Variants in ASXL3 observed in about 807,000 individuals in gnomAD.
ASXL3 encodes the protein ASXL transcriptional regulator 3.
In ASXL3, 34 loss-of-function variants were observed where a neutral mutation model predicts 170.6. The ratio of observed to expected loss-of-function variants is 0.20; its 90% CI spans 0.15 to 0.27. The LOEUF is 0.27. ASXL3 is among the 10% of genes least tolerant of loss of function. ASXL3 has a pLI of 1.00. For missense variants in ASXL3, 2,592 were observed against 2,695.3 expected (o/e 0.96, Z 0.85); for synonymous variants, 1,002 against 989.1 (o/e 1.01, Z -0.24).
chr18:33,597,272 A>G (rs903065566), intron 1 of ASXL3, among the ~76,000 whole-genome samples: 1 of 152,016 alleles, frequency 6.6e-6, no homozygotes, highest in African/African-American at 2.4e-5. Flanking sequence ...TGTGGTGTAC[A>G]TGTATATGTA....
Position 33,738,562 on chromosome 18 carries a change from A to C in ASXL3, c.1158A>C (p.Ser386=). The change falls in exon 11 of 12, where the codon TCA becomes TCC. Residue 386 remains serine, a synonymous_variant. Transcript: ENST00000269197. ...ACGCTGGAGCTCAAAGTAGTTCTTC[A>C]TGTGGGACTTCTGGCCTTCCAGTTT... ...PNNAGAQSSS[S]CGTSGLPVSA... 6.2e-7 allele frequency: 1 copy of C among 1,613,840 alleles called. No individual in the cohort carries two copies. The highest frequency in any genetic ancestry group is 8.5e-7 in the Non-Finnish European group (1 of 1,179,828).
At chr18:33,617,948 C>T (rs1022424111) in intron 2 of ASXL3, among the ~76,000 whole-genome samples, 3 of 152,094 alleles carry the variant, frequency 2.0e-5, no homozygotes, top group African/African-American at 7.2e-5. Flanking sequence ...GAGCTCTTCT[C>T]TTCCTCTCTT....
chr18:33,712,895 T>G (rs1266776941), intron 8 of ASXL3, among the ~76,000 whole-genome samples: 1 of 152,176 alleles, frequency 6.6e-6, no homozygotes, highest in African/African-American at 2.4e-5. Flanking sequence ...GCAGTTTTGC[T>G]CCTTCAAGTT....
At chr18:33,630,190 T>C (rs1346077008) in intron 2 of ASXL3, among the ~76,000 whole-genome samples, 1 of 152,034 alleles carries the variant, frequency 6.6e-6, no homozygotes. Flanking sequence ...TTAAATTCAC[T>C]GCTCTTTCTA....
In ASXL3 at chr18:33,744,459, C is replaced by T; in HGVS notation, c.4611C>T (p.Ser1537=). ...PVANEGIDHS[S]TFIAASAAKQ... ...CCAACGAAGGTATAGATCACAGTTCCACTTTCATTGCTGCTTCGGCAGCAA... is the reference window on the plus strand; with the variant it reads ...CCAACGAAGGTATAGATCACAGTTCTACTTTCATTGCTGCTTCGGCAGCAA... Residue 1537 remains serine, a synonymous_variant, in exon 12 of 12, where the codon TCC becomes TCT. Transcript: ENST00000269197. The T allele has an allele frequency of 6.2e-7, 1 of 1,613,496 alleles. No homozygotes were observed. The highest frequency in any genetic ancestry group is 8.5e-7 in the Non-Finnish European group (1 of 1,179,802).
intron 5 of ASXL3, among the ~76,000 whole-genome samples, chr18:33,662,827 G>A (rs926719089): frequency 6.6e-6 from 1 of 152,088 alleles, no homozygotes; most frequent in African/African-American, 2.4e-5. Context: ...TTCTAAAATA[G>A]AGTTTTTTTA....
intron 1 of ASXL3, among the ~76,000 whole-genome samples, chr18:33,597,362 G>A (rs1380184945): frequency 3.3e-5 from 5 of 151,750 alleles, no homozygotes; most frequent in African/African-American, 1.2e-4. Flanking sequence ...ACTTTCTCAT[G>A]GACATCCTCC....
chr18:33,683,674 A>G (rs1049002721), intron 8 of ASXL3, 106 bp downstream of exon 8: 2 of 1,156,366 alleles, frequency 1.7e-6, no homozygotes, highest in Non-Finnish European at 2.3e-6. Context: ...TAATTTCTGT[A>G]ATTTATGCAT....
intron 8 of ASXL3, among the ~76,000 whole-genome samples, chr18:33,725,212 A>G (rs2067329530): frequency 6.6e-6 from 1 of 152,102 alleles, no homozygotes; most frequent in African/African-American, 2.4e-5. Context: ...ACTCCTGATT[A>G]GTGTCTCACT....
chr18:33,578,586 G>T lies in ASXL3; in HGVS notation c.-46G>T. 1 of 1,212,308 alleles carries T rather than the reference G, an allele frequency of 8.2e-7. No individual in the cohort carries two copies. The highest frequency in any genetic ancestry group is 2.7e-5 in the Admixed American group (1 of 37,052). The allele number at this position is 1,212,308 out of a possible 1,614,324, so 75.1% of individuals were successfully genotyped here. Reference sequence around the variant, plus strand: ...TCCGCGCCCGAACCCCGAGCACCCCGTGGAATCCCCCACGTCATCATCAGA... The same window carrying T: ...TCCGCGCCCGAACCCCGAGCACCCCTTGGAATCCCCCACGTCATCATCAGA... On this transcript the variant is annotated 5_prime_UTR_variant, in exon 1 of 12. Transcript: ENST00000269197.
intron 8 of ASXL3, among the ~76,000 whole-genome samples, chr18:33,702,900 T>C (rs981872685): frequency 1.3e-5 from 2 of 152,182 alleles, no homozygotes; most frequent in African/African-American, 4.8e-5. Context: ...TATAATCTGC[T>C]TTGATATCAC....
At chr18:33,598,224 G>A in intron 1 of ASXL3, among the ~76,000 whole-genome samples, 1 of 152,156 alleles carries the variant, frequency 6.6e-6, no homozygotes, top group South Asian at 2.1e-4. Context: ...CAAATTGTTA[G>A]AGTATCTAAT....
chr18:33,726,266 A>T (rs1286075295), intron 8 of ASXL3, among the ~76,000 whole-genome samples: 1 of 152,146 alleles, frequency 6.6e-6, no homozygotes, highest in Non-Finnish European at 1.5e-5. Context: ...TCAGGATGTA[A>T]TCAGAACCTA....
At chr18:33,669,620 C>T (rs769753940) in intron 5 of ASXL3, among the ~76,000 whole-genome samples, 24 of 151,904 alleles carry the variant, frequency 1.6e-4, no homozygotes, top group South Asian at 4.1e-4. Flanking sequence ...AAAAGGACAT[C>T]GTTTTTTGAT....
chr18:33,712,548 G>A (rs2067085882), intron 8 of ASXL3, among the ~76,000 whole-genome samples: 1 of 152,150 alleles, frequency 6.6e-6, no homozygotes, highest in Non-Finnish European at 1.5e-5. Flanking sequence ...GTGTTCTTGT[G>A]ATTGTTCTGA....
chr18:33,734,132 T>TGCTTCTAAAGCATTTATC (rs2067503945), intron 9 of ASXL3, among the ~76,000 whole-genome samples, 178 bp from the exon 10 acceptor site: 1 of 151,946 alleles, frequency 6.6e-6, no homozygotes, highest in African/African-American at 2.4e-5. Flanking sequence ...AGCTTTAGCA[T>TGCTTCTAAAGCATTTATC]TTTTATGAAC....
chr18:33,668,909 CCACA>C, intron 5 of ASXL3, among the ~76,000 whole-genome samples: 1 of 150,824 alleles, frequency 6.6e-6, no homozygotes, highest in South Asian at 2.1e-4. Context: ...CACACACACA[CCACA>C]CACACACAAA....
intron 2 of ASXL3, among the ~76,000 whole-genome samples, chr18:33,615,898 A>G (rs1324998685): frequency 6.6e-6 from 1 of 152,060 alleles, no homozygotes; most frequent in Admixed American, 6.6e-5. Flanking sequence ...TTTTATATAC[A>G]TTTGGTTTTA....
intron 7 of ASXL3, among the ~76,000 whole-genome samples, chr18:33,676,267 C>G (rs1168597573): frequency 7.7e-6 from 1 of 129,930 alleles, no homozygotes. Context: ...CATTCTAATT[C>G]TGATGGTAAC....
Sources: gnomAD v4.1 joint callset for allele counts (sites outside exome capture counted in the v4.1 genomes callset) on GRCh38, gnomAD v4.1.1 for gene constraint, MANE v1.5 for transcripts, NCBI Gene and HGNC (gene_info 2026-07-23, HGNC 2026-07-21) for gene names.